ADRA1B: variants seen among roughly 807,000 people sequenced by gnomAD.
The protein encoded by ADRA1B is alpha-1B adrenergic receptor.
ADRA1B carries 17 observed loss-of-function variants against 17.9 expected under a neutral mutation model. That is an observed-to-expected ratio of 0.95 (90% CI 0.65 to 1.42). ADRA1B has a LOEUF of 1.42. Among genes scored for constraint, ADRA1B ranks in the 40% most tolerant of loss-of-function variants. The pLI, the probability that ADRA1B is intolerant of heterozygous loss-of-function variation, is 0.00. For missense variants in ADRA1B, 681 were observed against 722.1 expected (o/e 0.94, Z 0.65); for synonymous variants, 366 against 327.6 (o/e 1.12, Z -1.27).
At chr5:159,960,629 C>T (rs1340743536) in intron 1 of ADRA1B, among the ~76,000 whole-genome samples, 3 of 151,478 alleles carry the variant, frequency 2.0e-5, no homozygotes, top group African/African-American at 7.3e-5. Context: ...CACTTGAACC[C>T]AGCAATCAAG....
In ADRA1B at chr5:159,917,500, G is replaced by A. The variant is rs1328289918; in HGVS notation, c.595G>A (p.Glu199Lys). The A allele has an allele frequency of 2.5e-6, 4 of 1,613,906 alleles. No homozygotes were observed. Among genetic ancestry groups the A allele is most frequent in the African/African-American group, 1.3e-5 (1 of 74,898 alleles). Residue 199 changes from glutamate (E) to lysine (K), a missense_variant, in exon 1 of 2, where the codon GAA (glutamate) becomes AAA (lysine). Coordinates refer to ENST00000306675, the MANE Select transcript of ADRA1B (RefSeq NM_000679.4). ...CGATGACAAGGAGTGCGGGGTCACC[G>A]AAGAACCCTTCTATGCCCTCTTCTC... ...PNDDKECGVT[E>K]EPFYALFSSL...
the ADRA1B span, among the ~76,000 whole-genome samples, chr5:159,984,684 G>A: frequency 6.6e-6 from 1 of 151,750 alleles, no homozygotes; most frequent in Admixed American, 6.6e-5. Flanking sequence ...GATCACCTGA[G>A]GTCAGGAGTT....
intron 1 of ADRA1B, among the ~76,000 whole-genome samples, chr5:159,887,320 G>C (rs929789899): frequency 1.3e-5 from 2 of 152,142 alleles, no homozygotes; most frequent in African/African-American, 4.8e-5. Flanking sequence ...ATGTGGAGTT[G>C]GAAAATATAA....
chr5:159,914,266 G>C (rs1202054254), upstream of ADRA1B, among the ~76,000 whole-genome samples: 1 of 152,172 alleles, frequency 6.6e-6, no homozygotes, highest in Non-Finnish European at 1.5e-5. Flanking sequence ...GGGCTGCCAA[G>C]TTCTTCCAGT....
intron 1 of ADRA1B, among the ~76,000 whole-genome samples, chr5:159,897,728 T>C (rs1754054715): frequency 6.6e-6 from 1 of 152,194 alleles, no homozygotes; most frequent in African/African-American, 2.4e-5. Flanking sequence ...AAGATGGTGC[T>C]TCCAGAATCC....
chr5:159,989,066 A>C, the ADRA1B span, among the ~76,000 whole-genome samples: 1 of 152,222 alleles, frequency 6.6e-6, no homozygotes, highest in African/African-American at 2.4e-5. Flanking sequence ...ACTGTTTTCC[A>C]CAGTGGCTGC....
intron 1 of ADRA1B, among the ~76,000 whole-genome samples, chr5:159,895,256 C>T (rs1754029762): frequency 6.6e-6 from 1 of 152,196 alleles, no homozygotes; most frequent in South Asian, 2.1e-4. Context: ...CACATGGACC[C>T]ATTTCGCCAG....
rs1359008132 is a variant in ADRA1B, at chr5:159,939,270, A to AGC, written c.949+21417_949+21418insCG. ...CTTTGAAGGAGAGAGAGAGAGAGAG[A>AGC]GAGAGAGAGTGTGTGTGTGTGTGTG... On this transcript the variant is annotated intron_variant, in intron 1 of 1. Transcript: ENST00000306675. Among the ~76,000 whole-genome samples, 107 of 76,154 alleles carry AGC rather than the reference A, an allele frequency of 1.4e-3. 1 individual carries two copies. The highest frequency in any genetic ancestry group is 2.2e-3 in the Non-Finnish European group (88 of 40,926). The allele number at this position is 76,154 out of a possible 152,430, so 50.0% of individuals were successfully genotyped here.
intron 1 of ADRA1B, among the ~76,000 whole-genome samples, chr5:159,958,778 T>A (rs962031097): frequency 1.3e-5 from 2 of 152,258 alleles, no homozygotes; most frequent in Admixed American, 1.3e-4. Context: ...ATAGATGTCT[T>A]CTTTTATGAC....
At chr5:159,865,433 G>A (rs890252268) in intron 1 of ADRA1B, among the ~76,000 whole-genome samples, 1 of 152,084 alleles carries the variant, frequency 6.6e-6, no homozygotes, top group African/African-American at 2.4e-5. Context: ...AAGTTTTTGG[G>A]TGAAACCGAA....
At chr5:159,867,395 A>C (rs1753671624) in intron 1 of ADRA1B, among the ~76,000 whole-genome samples, 1 of 152,152 alleles carries the variant, frequency 6.6e-6, no homozygotes, top group Non-Finnish European at 1.5e-5. Context: ...TTCACTGAAG[A>C]TCATGCAGTT....
intron 1 of ADRA1B, among the ~76,000 whole-genome samples, chr5:159,896,108 C>T (rs1192302740): frequency 6.6e-6 from 1 of 152,152 alleles, no homozygotes; most frequent in Non-Finnish European, 1.5e-5. Context: ...TAGCACAGTG[C>T]CTGACACATA....
intron 1 of ADRA1B, among the ~76,000 whole-genome samples, chr5:159,876,286 C>T (rs1193810685): frequency 2.0e-5 from 3 of 152,246 alleles, no homozygotes; most frequent in Non-Finnish European, 4.4e-5. Flanking sequence ...AATGTCAAGG[C>T]TCTGCATCGG....
At position 159,964,827 on chromosome 5, in the gene ADRA1B, G is replaced by A. The variant is rs185088026; in HGVS notation, c.950-7052G>A. On this transcript the variant is annotated intron_variant, in intron 1 of 1. Transcript: ENST00000306675. ...TCATCTTGGTAGCAGTGGTACTGGTGGTAACAGCGGTGCTGGCAGTTGTAA... is the reference window on the plus strand; with the variant it reads ...TCATCTTGGTAGCAGTGGTACTGGTAGTAACAGCGGTGCTGGCAGTTGTAA... 3.3e-5 allele frequency among the ~76,000 whole-genome samples: 5 copies of A among 152,294 alleles called. No individual in the cohort carries two copies. In the East Asian group the frequency reaches 9.7e-4, roughly 29 times the overall value.
chr5:159,917,547 C>A lies in ADRA1B; in HGVS notation c.642C>A (p.Ile214=), dbSNP rs766624495. The change falls in exon 1 of 2, where the codon ATC becomes ATA. Residue 214 remains isoleucine, a synonymous_variant. Coordinates refer to ENST00000306675, the MANE Select transcript of ADRA1B (RefSeq NM_000679.4). ...TCTCCTCTCTGGGCTCCTTCTACAT[C>A]CCTCTGGCGGTCATTCTAGTCATGT... ...ALFSSLGSFY[I]PLAVILVMYC... is the part of the protein sequence containing the mutation. 3 of 1,614,114 alleles carry A rather than the reference C, an allele frequency of 1.9e-6. No homozygotes were observed. Among genetic ancestry groups the A allele is most frequent in the Non-Finnish European group, 2.5e-6 (3 of 1,179,996 alleles).
At chr5:159,923,812 G>T (rs1185665885) in intron 1 of ADRA1B, among the ~76,000 whole-genome samples, 1 of 152,242 alleles carries the variant, frequency 6.6e-6, no homozygotes, top group Non-Finnish European at 1.5e-5. Context: ...GTAGTGCCAA[G>T]AATCTTAATT....
the ADRA1B span, among the ~76,000 whole-genome samples, chr5:159,987,237 C>T: frequency 3.3e-5 from 5 of 152,374 alleles, no homozygotes; most frequent in African/African-American, 1.2e-4. Flanking sequence ...AAATATTTGC[C>T]TTCGGGTTTC....
intron 1 of ADRA1B, among the ~76,000 whole-genome samples, chr5:159,873,848 A>G (rs1204675751): frequency 1.3e-5 from 2 of 152,158 alleles, no homozygotes; most frequent in South Asian, 4.2e-4. Flanking sequence ...GAGGCACTCC[A>G]TCATTTTTTT....
intron 1 of ADRA1B, among the ~76,000 whole-genome samples, chr5:159,894,118 C>CT (rs1754016828): frequency 6.6e-6 from 1 of 152,254 alleles, no homozygotes; most frequent in Non-Finnish European, 1.5e-5. Flanking sequence ...AACCCCCTCC[C>CT]TACAGACAGG....
Sources: gnomAD v4.1 joint callset for allele counts (sites outside exome capture counted in the v4.1 genomes callset) on GRCh38, gnomAD v4.1.1 for gene constraint, MANE v1.5 for transcripts, NCBI Gene and HGNC (gene_info 2026-07-23, HGNC 2026-07-21) for gene names.